The following RBFOX1 variants were observed in gnomAD, a reference collection of about 807,000 sequenced individuals.
The protein encoded by RBFOX1 is RNA binding fox-1 homolog 1, also known as RNA binding protein fox-1 homolog 1.
A neutral mutation model predicts 57.7 loss-of-function variants in RBFOX1; 8 were observed. The ratio of observed to expected loss-of-function variants is 0.14; its 90% CI spans 0.08 to 0.25. The LOEUF (loss-of-function observed/expected upper bound fraction) is 0.25. Among genes scored for constraint, RBFOX1 ranks in the 10% least tolerant of loss-of-function variants. The probability of loss-of-function intolerance (pLI) is 1.00; values close to 1 mark genes in which losing one functional copy is unlikely to be tolerated. For missense variants in RBFOX1, 611 were observed against 548.5 expected (o/e 1.11, Z -1.14); for synonymous variants, 326 against 222.4 (o/e 1.47, Z -4.15).
intron 2 of RBFOX1, among the ~76,000 whole-genome samples, chr16:6,389,837 A>T (rs1015908433): frequency 6.6e-6 from 1 of 152,168 alleles, no homozygotes; most frequent in East Asian, 1.9e-4. Context: ...ATAAAAATTG[A>T]TGCTGTCTTC....
At chr16:6,671,772 G>C (rs1158168804) in intron 3 of RBFOX1, among the ~76,000 whole-genome samples, 1 of 152,164 alleles carries the variant, frequency 6.6e-6, no homozygotes, top group East Asian at 1.9e-4. Flanking sequence ...GTCCCATCCA[G>C]GTTGCTGTGA....
At chr16:6,032,442 A>C (rs573998546) in intron 1 of RBFOX1, among the ~76,000 whole-genome samples, 5 of 152,336 alleles carry the variant, frequency 3.3e-5, no homozygotes, top group African/African-American at 1.2e-4. Flanking sequence ...AGAAAGAAAG[A>C]AAGGGATCCA....
intron 5 of RBFOX1, among the ~76,000 whole-genome samples, chr16:7,546,921 G>C (rs931861248): frequency 6.6e-6 from 1 of 152,088 alleles, no homozygotes; most frequent in Admixed American, 6.6e-5. Context: ...TAGAACTTCT[G>C]GGTCAAAGAG....
At chr16:5,646,060 C>T (rs539546034) in intron 3 of RBFOX1, among the ~76,000 whole-genome samples, 4 of 151,564 alleles carry the variant, frequency 2.6e-5, no homozygotes, top group East Asian at 1.9e-4. Context: ...GACGGAGTCT[C>T]GCTGTGTTGC....
At chr16:6,755,377 T>G (rs2075623672) in intron 3 of RBFOX1, among the ~76,000 whole-genome samples, 1 of 152,162 alleles carries the variant, frequency 6.6e-6, no homozygotes, top group South Asian at 2.1e-4. Context: ...GTTTCCTGAC[T>G]TTTTAATGAT....
chr16:6,161,940 G>C (rs1309576852), intron 1 of RBFOX1, among the ~76,000 whole-genome samples: 1 of 152,228 alleles, frequency 6.6e-6, no homozygotes, highest in Non-Finnish European at 1.5e-5. Context: ...AACTGCAGGG[G>C]CTGGAGGCCC....
intron 1 of RBFOX1, among the ~76,000 whole-genome samples, chr16:5,359,907 A>T (rs1358488): frequency 6.6e-6 from 1 of 152,210 alleles, no homozygotes; most frequent in African/African-American, 2.4e-5. Context: ...GGGACTTGCC[A>T]ATTCTCACAT....
In RBFOX1 at chr16:5,682,450, A is replaced by G. The variant is rs754777272; in HGVS notation, c.318+83489A>G. On this transcript the variant is annotated intron_variant, in intron 3 of 19. Transcript: ENST00000641259. ...TCAGGTGGTGCTAGAGATAAGCATC[A>G]TACAATTTGACAATCGGTCCGTCTA... Among the ~76,000 whole-genome samples the G allele has an allele frequency of 7.9e-4, 120 of 152,246 alleles. 2 individuals carry two copies. Among genetic ancestry groups the G allele is most frequent in the Non-Finnish European group, 3.1e-4 (21 of 68,042 alleles).
chr16:5,710,365 C>G (rs929237835), intron 3 of RBFOX1, among the ~76,000 whole-genome samples: 4 of 152,190 alleles, frequency 2.6e-5, no homozygotes, highest in Admixed American at 2.0e-4. Context: ...CTGCCTTCTC[C>G]TGCTAGTGCC....
At chr16:6,966,408 G>T (rs995584658) in intron 3 of RBFOX1, among the ~76,000 whole-genome samples, 9 of 152,128 alleles carry the variant, frequency 5.9e-5, no homozygotes, top group Non-Finnish European at 1.2e-4. Flanking sequence ...AGGGGTACAT[G>T]ACCCTGGGGG....
At chr16:5,789,585 G>A (rs1040166006) in intron 3 of RBFOX1, among the ~76,000 whole-genome samples, 3 of 152,120 alleles carry the variant, frequency 2.0e-5, no homozygotes, top group African/African-American at 4.8e-5. Flanking sequence ...TATTTTACCA[G>A]CTACTGAGAG....
At position 5,908,265 on chromosome 16, in the gene RBFOX1, CAT is replaced by C. The variant is rs1273182800; in HGVS notation, c.351+40938_351+40939del. Among the ~76,000 whole-genome samples, 12 of 130,646 alleles carry C rather than the reference CAT, an allele frequency of 9.2e-5. 1 individual carries two copies. The highest frequency in any genetic ancestry group is 1.7e-4 in the Non-Finnish European group (10 of 59,722). The allele number at this position is 130,646 out of a possible 152,430, so 85.7% of individuals were successfully genotyped here. A position where few individuals can be genotyped will look rare whatever the true frequency, so the allele number is the denominator to read the frequency against. ...ATATACATACACACACATATATACA[CAT>C]ATATATACATACATATATATACACA... is the stretch of plus-strand genomic sequence containing the variant. On this transcript the variant is annotated intron_variant, in intron 4 of 19. Coordinates refer to the RBFOX1 transcript ENST00000641259.
chr16:7,523,182 A>G (rs990271103), intron 5 of RBFOX1, among the ~76,000 whole-genome samples: 14 of 152,102 alleles, frequency 9.2e-5, no homozygotes, highest in Admixed American at 6.5e-4. Flanking sequence ...CTTCCTTTTC[A>G]TTGCTGAGTA....
rs557292519 is a variant in RBFOX1, at chr16:6,092,998, C to T, written c.-127+73006C>T. On this transcript the variant is annotated intron_variant, in intron 1 of 15. Coordinates refer to ENST00000550418, the MANE Select transcript of RBFOX1 (RefSeq NM_018723.4). ...CACCTGGGTGACAGAATAATCTATACACCAAAACCATGTGAGATGCAATTT... is the reference window on the plus strand; with the variant it reads ...CACCTGGGTGACAGAATAATCTATATACCAAAACCATGTGAGATGCAATTT... 5 of 152,264 alleles carry T rather than the reference C, an allele frequency of 3.3e-5. No individual in the cohort carries two copies. The South Asian group carries it at 1.0e-3, about 32-fold the overall frequency. 9.4% of individuals were successfully genotyped at this position (152,264 alleles called of 1,614,324 possible).
intron 2 of RBFOX1, among the ~76,000 whole-genome samples, chr16:6,609,020 C>T (rs144898783): frequency 6.6e-6 from 1 of 152,178 alleles, no homozygotes. Context: ...TCTGACCTGA[C>T]CCTTCTGTCT....
chr16:5,420,162 A>G (rs534638895), intron 1 of RBFOX1, among the ~76,000 whole-genome samples: 2 of 152,340 alleles, frequency 1.3e-5, no homozygotes, highest in South Asian at 2.1e-4. Flanking sequence ...TGGTCTGACC[A>G]GAGTCATACC....
chr16:5,525,153 C>G (rs1428337785), intron 2 of RBFOX1, among the ~76,000 whole-genome samples: 2 of 152,122 alleles, frequency 1.3e-5, no homozygotes, highest in African/African-American at 4.8e-5. Flanking sequence ...GATTGTGATG[C>G]TCCCAGGGCA....
In RBFOX1 at chr16:5,457,287, G is replaced by A. The variant is rs191003029; in HGVS notation, c.220-9929G>A. On this transcript the variant is annotated intron_variant, in intron 1 of 2. Coordinates refer to the RBFOX1 transcript ENST00000585867. ...GTAACTGGGACTATAGGCATGCACCGCTATACCTGGATAATTTTTATATTT... is the reference window on the plus strand; with the variant it reads ...GTAACTGGGACTATAGGCATGCACCACTATACCTGGATAATTTTTATATTT... Among the ~76,000 whole-genome samples, 443 of 151,910 alleles carry A rather than the reference G, an allele frequency of 2.9e-3. 13 individuals are homozygous for A. The highest frequency in any genetic ancestry group is 0.025 in the Admixed American group (382 of 15,266).
At chr16:6,527,040 C>T (rs1435035974) in intron 2 of RBFOX1, among the ~76,000 whole-genome samples, 3 of 151,886 alleles carry the variant, frequency 2.0e-5, no homozygotes, top group Admixed American at 1.3e-4. Context: ...TATTATTAGC[C>T]GCCTCCCAAA....
Sources: allele counts gnomAD v4.1 joint callset (sites outside exome capture counted in the v4.1 genomes callset), GRCh38; gene constraint gnomAD v4.1.1; transcripts MANE v1.5; gene names NCBI Gene and HGNC (gene_info 2026-07-23, HGNC 2026-07-21).